PLXNC1: variants seen among roughly 807,000 people sequenced by gnomAD.
PLXNC1 encodes the protein plexin C1, also known as plexin-C1.
A neutral mutation model predicts 178.2 loss-of-function variants in PLXNC1; 75 were observed. The observed-to-expected ratio is 0.42, with a 90% CI of 0.35 to 0.51. The LOEUF (loss-of-function observed/expected upper bound fraction) is 0.51. Ranked by LOEUF, PLXNC1 falls within the 20% of genes least tolerant of loss-of-function variation. The pLI, the probability that PLXNC1 is intolerant of heterozygous loss-of-function variation, is 0.02. For synonymous variants in PLXNC1, 790 were observed against 779.9 expected (o/e 1.01, Z -0.22); for missense variants, 1,503 against 1,984.4 (o/e 0.76, Z 4.61).
intron 12 of PLXNC1, among the ~76,000 whole-genome samples, chr12:94,245,419 G>T (rs534647606): frequency 6.6e-6 from 1 of 152,296 alleles, no homozygotes; most frequent in Admixed American, 6.5e-5. Flanking sequence ...GGTGGCTCAC[G>T]ATTATAATCC....
chr12:94,254,883 G>A lies in PLXNC1; in HGVS notation c.2978G>A (p.Arg993His), dbSNP rs1177747773. The A allele has an allele frequency of 2.5e-6, 4 of 1,607,660 alleles. No individual in the cohort carries two copies. Among genetic ancestry groups the A allele is most frequent in the Non-Finnish European group, 3.4e-6 (4 of 1,176,474 alleles). The change falls in exon 16 of 31, where the codon CGT becomes CAT. Residue 993 changes from arginine (R) to histidine (H), a missense_variant. By Grantham distance (29) the Arg-to-His change is conservative. This residue lies in a region of PLXNC1 where 639 missense variants were observed against 979.7 expected (regional missense o/e 0.65). Coordinates refer to ENST00000258526, the MANE Select transcript of PLXNC1 (RefSeq NM_005761.3). Reference sequence around the variant, plus strand: ...GAAAGCGAGCTCCGGAAAGAGATACGTGACGGTAGGCTCCAAAATTGTGTT... The same window carrying A: ...GAAAGCGAGCTCCGGAAAGAGATACATGACGGTAGGCTCCAAAATTGTGTT... ...LLESELRKEIRDGFAELQMDK... is the reference protein window; with the variant it reads ...LLESELRKEIHDGFAELQMDK...
chr12:94,221,824 A>G (rs1256492881), intron 6 of PLXNC1, among the ~76,000 whole-genome samples: 1 of 152,162 alleles, frequency 6.6e-6, no homozygotes, highest in African/African-American at 2.4e-5. Flanking sequence ...CCTCTTCTAT[A>G]AGGACACTAA....
rs571426540 is a variant in PLXNC1, at chr12:94,269,049, T to C, written c.3597+3824T>C. Among the ~76,000 whole-genome samples the C allele has an allele frequency of 3.3e-5, 5 of 152,316 alleles. 2 individuals carry two copies. Among genetic ancestry groups the C allele is most frequent in the African/African-American group, 1.2e-4 (5 of 41,556 alleles). On this transcript the variant is annotated intron_variant, in intron 21 of 30. Coordinates refer to ENST00000258526, the MANE Select transcript of PLXNC1 (RefSeq NM_005761.3). ...TTAGTGAAAGTTTGAGGATTTCACA[T>C]GGGAGAAGGGACATTTGCTTCACTT...
chr12:94,226,742 C>T (rs752270016), intron 8 of PLXNC1, 35 bp downstream of exon 8: 20 of 1,452,400 alleles, frequency 1.4e-5, no homozygotes, highest in Middle Eastern at 1.8e-4. Context: ...AAGTCTTAAC[C>T]GCCGGGCATG....
intron 9 of PLXNC1, among the ~76,000 whole-genome samples, chr12:94,234,904 A>G (rs1000287082): frequency 6.6e-6 from 1 of 152,214 alleles, no homozygotes; most frequent in African/African-American, 2.4e-5. Context: ...ATTTTTCAAA[A>G]TCTTTATTGG....
At chr12:94,280,019 T>C (rs1966318376) in intron 22 of PLXNC1, 1 of 371,282 alleles carries the variant, frequency 2.7e-6, no homozygotes, top group East Asian at 6.9e-5. Context: ...ACATTGGCAT[T>C]TGATTTGTTT....
At chr12:94,182,907 C>CTATCATCT (rs1555196307) in intron 3 of PLXNC1, among the ~76,000 whole-genome samples, 3 of 133,756 alleles carry the variant, frequency 2.2e-5, no homozygotes, top group East Asian at 4.4e-4. Context: ...ATCTATCTAT[C>CTATCATCT]ATCTATCTAT....
chr12:94,274,319 T>A (rs1394297191), intron 21 of PLXNC1, among the ~76,000 whole-genome samples: 1 of 151,518 alleles, frequency 6.6e-6, no homozygotes, highest in African/African-American at 2.4e-5. Flanking sequence ...GGCAACAGAG[T>A]GAGACCCTGT....
At chr12:94,248,144 A>G in intron 13 of PLXNC1, 38 bp downstream of exon 13, 1 of 1,603,874 alleles carries the variant, frequency 6.2e-7, no homozygotes, top group East Asian at 2.2e-5. Flanking sequence ...TGTCACCCCG[A>G]CCCCTTGACT....
chr12:94,161,271 T>C (rs1013535230), intron 1 of PLXNC1, among the ~76,000 whole-genome samples: 1 of 152,232 alleles, frequency 6.6e-6, no homozygotes. Context: ...AATAGGGAGT[T>C]TGTTCCCATC....
At chr12:94,160,820 G>C (rs372620136) in intron 1 of PLXNC1, among the ~76,000 whole-genome samples, 1 of 152,100 alleles carries the variant, frequency 6.6e-6, no homozygotes, top group East Asian at 1.9e-4. Context: ...TTAATATATC[G>C]ATCTATCAAA....
intron 21 of PLXNC1, among the ~76,000 whole-genome samples, chr12:94,276,681 A>C (rs1199675301): frequency 6.6e-6 from 1 of 152,132 alleles, no homozygotes; most frequent in Non-Finnish European, 1.5e-5. Context: ...ACATTTCTAG[A>C]AAAGGGAGGT....
chr12:94,201,422 C>T (rs958492451), intron 4 of PLXNC1, among the ~76,000 whole-genome samples: 11 of 152,156 alleles, frequency 7.2e-5, no homozygotes, highest in African/African-American at 1.9e-4. Context: ...TTTTCTGTTC[C>T]ATTTTCCCAT....
intron 15 of PLXNC1, among the ~76,000 whole-genome samples, chr12:94,252,911 C>T (rs1365787980): frequency 6.6e-6 from 1 of 152,178 alleles, no homozygotes; most frequent in African/African-American, 2.4e-5. Flanking sequence ...GAACTCTTAT[C>T]CACCAACAAA....
chr12:94,294,178 C>G (rs1967660695), intron 23 of PLXNC1, among the ~76,000 whole-genome samples: 1 of 152,164 alleles, frequency 6.6e-6, no homozygotes, highest in African/African-American at 2.4e-5. Flanking sequence ...TTCCCCTCTT[C>G]CAGGGCTTCC....
At chr12:94,199,708 C>G (rs1196977346) in intron 4 of PLXNC1, among the ~76,000 whole-genome samples, 1 of 152,214 alleles carries the variant, frequency 6.6e-6, no homozygotes, top group African/African-American at 2.4e-5. Flanking sequence ...AGGGGCACCT[C>G]TCCACCCTTG....
intron 9 of PLXNC1, among the ~76,000 whole-genome samples, chr12:94,233,125 T>G (rs1380071922): frequency 1.3e-5 from 2 of 150,620 alleles, no homozygotes; most frequent in African/African-American, 4.9e-5. Context: ...GTGGGAGGAG[T>G]GTATTAACCT....
At chr12:94,279,965 A>G (rs915106473) in intron 22 of PLXNC1, 2 of 458,700 alleles carry the variant, frequency 4.4e-6, no homozygotes. Context: ...ATCATGAAAT[A>G]CAGAAAGGTG....
At chr12:94,221,204 T>C (rs1405443260) in intron 6 of PLXNC1, among the ~76,000 whole-genome samples, 3 of 152,212 alleles carry the variant, frequency 2.0e-5, no homozygotes, top group Admixed American at 6.5e-5. Context: ...CTTAGAACAG[T>C]ATCTGGCACA....
Sources: allele counts gnomAD v4.1 joint callset (sites outside exome capture counted in the v4.1 genomes callset), GRCh38; gene constraint gnomAD v4.1.1; regional missense constraint gnomAD v4.1.1; transcripts MANE v1.5; gene names NCBI Gene and HGNC (gene_info 2026-07-23, HGNC 2026-07-21).